Variants in GBF1 observed in about 807,000 individuals in gnomAD.
GBF1 encodes the protein Golgi-specific brefeldin A-resistance guanine nucleotide exchange factor 1.
GBF1 carries 114 observed loss-of-function variants against 210.5 expected under a neutral mutation model. The ratio of observed to expected loss-of-function variants is 0.54; its 90% confidence interval spans 0.47 to 0.63. The LOEUF (loss-of-function observed/expected upper bound fraction) is 0.63. GBF1 is among the 30% of genes least tolerant of loss of function. The pLI, the probability that GBF1 is intolerant of heterozygous loss-of-function variation, is 0.00. For synonymous variants in GBF1, 850 were observed against 889.2 expected (o/e 0.96, Z 0.78); for missense variants, 1,851 against 2,357.7 (o/e 0.79, Z 4.45).
chr10:102,235,372 C>T, the GBF1 span, among the ~76,000 whole-genome samples: 3 of 152,144 alleles, frequency 2.0e-5, 1 homozygote, highest in South Asian at 6.2e-4. Context: ...TGCCCAGGCC[C>T]CTCTCAGGAA....
At chr10:102,256,467 A>G (rs1292598761) in intron 1 of GBF1, among the ~76,000 whole-genome samples, 1 of 151,890 alleles carries the variant, frequency 6.6e-6, no homozygotes, top group Non-Finnish European at 1.5e-5. Flanking sequence ...ATCATTATTA[A>G]TGTTTAATTA....
At chr10:102,274,702 T>TTTA in intron 3 of GBF1, among the ~76,000 whole-genome samples, 1 of 45,424 alleles carries the variant, frequency 2.2e-5, no homozygotes, top group South Asian at 8.5e-4. Flanking sequence ...AACAAAGATT[T>TTTA]TTTTTTTTTT....
intron 3 of GBF1, among the ~76,000 whole-genome samples, chr10:102,305,802 A>G (rs1384388714): frequency 1.3e-5 from 2 of 152,208 alleles, no homozygotes; most frequent in African/African-American, 2.4e-5. Context: ...ATAAATTTGT[A>G]TTGAATATCT....
intron 3 of GBF1, among the ~76,000 whole-genome samples, chr10:102,333,407 T>C (rs916218017): frequency 1.3e-5 from 2 of 152,116 alleles, no homozygotes; most frequent in Admixed American, 6.6e-5. Context: ...TTGGCAGTTA[T>C]TCCAGAGGCT....
At chr10:102,312,666 C>T (rs1223918282) in intron 3 of GBF1, among the ~76,000 whole-genome samples, 1 of 152,144 alleles carries the variant, frequency 6.6e-6, no homozygotes, top group Non-Finnish European at 1.5e-5. Flanking sequence ...TTTTGGTGTT[C>T]CCAGACTATG....
chr10:102,367,573 A>G lies in GBF1; in HGVS notation c.2642+13A>G, dbSNP rs939141770. On this transcript the variant is annotated intron_variant, in intron 21 of 39. Transcript: ENST00000369983. ...ACCATGCCATCAAGTGAGTATACAT[A>G]GAGAATAGTGCAGTATCTCTGTTAA... 14 of 1,378,930 alleles carry G rather than the reference A, an allele frequency of 1.0e-5. No individual in the cohort carries two copies. Among genetic ancestry groups the G allele is most frequent in the African/African-American group, 4.3e-5 (3 of 70,526 alleles). 85.4% of individuals were successfully genotyped at this position (1,378,930 alleles called of 1,614,324 possible). A position where few individuals can be genotyped will look rare whatever the true frequency, so the allele number is the denominator to read the frequency against.
intron 4 of GBF1, among the ~76,000 whole-genome samples, chr10:102,345,375 A>G (rs1480120106): frequency 6.6e-6 from 1 of 151,000 alleles, no homozygotes; most frequent in East Asian, 1.9e-4. Flanking sequence ...TAACTTGACC[A>G]GGCACAGTGG....
chr10:102,345,899 A>G (rs947410320), intron 4 of GBF1, among the ~76,000 whole-genome samples: 8 of 151,866 alleles, frequency 5.3e-5, no homozygotes, highest in East Asian at 1.9e-4. Flanking sequence ...ACATTAACCA[A>G]TAACTCCCCA....
chr10:102,305,616 A>G (rs1485704134), intron 3 of GBF1, among the ~76,000 whole-genome samples: 1 of 151,936 alleles, frequency 6.6e-6, no homozygotes, highest in Admixed American at 6.5e-5. Flanking sequence ...TCTCCAAAAA[A>G]AAAAGAAAAA....
At chr10:102,273,930 TATC>T (rs1317487372) in intron 3 of GBF1, among the ~76,000 whole-genome samples, 1 of 152,234 alleles carries the variant, frequency 6.6e-6, no homozygotes, top group Non-Finnish European at 1.5e-5. Flanking sequence ...TGTTTAGACA[TATC>T]ATGTTAGACA....
chr10:102,284,667 T>C (rs994938244), intron 3 of GBF1, among the ~76,000 whole-genome samples: 1 of 152,242 alleles, frequency 6.6e-6, no homozygotes, highest in Non-Finnish European at 1.5e-5. Context: ...ATTCATTCGT[T>C]GATGGACATT....
At chr10:102,301,789 C>T (rs1190561319) in intron 3 of GBF1, among the ~76,000 whole-genome samples, 1 of 151,662 alleles carries the variant, frequency 6.6e-6, no homozygotes, top group African/African-American at 2.4e-5. Context: ...GACTGGGCAG[C>T]TGGGCAGAGG....
Position 102,254,134 on chromosome 10 carries a change from A to G in GBF1, c.-10-4795A>G, listed in dbSNP as rs562673847. 2.1e-3 allele frequency among the ~76,000 whole-genome samples: 323 copies of G among 152,256 alleles called. 4 individuals are homozygous for G. The Middle Eastern group carries it at 0.048, about 22-fold the overall frequency. ...TCCCTCTTTTTTATGTTGTCTTTTG[A>G]ACAGGCATTTTTAATTTTAACATGG... On this transcript the variant is annotated intron_variant, in intron 1 of 39. Coordinates refer to ENST00000369983, the MANE Select transcript of GBF1 (RefSeq NM_001377137.1).
At chr10:102,239,431 A>G in the GBF1 span, among the ~76,000 whole-genome samples, 1 of 152,152 alleles carries the variant, frequency 6.6e-6, no homozygotes, top group Non-Finnish European at 1.5e-5. Flanking sequence ...CAGTGATTTT[A>G]TGGGAGCACA....
At chr10:102,315,692 G>A (rs1766952064) in intron 3 of GBF1, among the ~76,000 whole-genome samples, 1 of 152,178 alleles carries the variant, frequency 6.6e-6, no homozygotes, top group Admixed American at 6.5e-5. Flanking sequence ...AGGAGGCAGA[G>A]TTTAGGTGGT....
At position 102,375,460 on chromosome 10, in the gene GBF1, T is replaced by G. The variant is rs766483465; in HGVS notation, c.3762T>G (p.Asn1254Lys). ...AYGLHELLKT[N>K]AANIHSGDDW... ...GGCTCCATGAACTCCTGAAGACCAATGCAGCCAACATCCACTCAGGTGATG... is the reference window on the plus strand; with the variant it reads ...GGCTCCATGAACTCCTGAAGACCAAGGCAGCCAACATCCACTCAGGTGATG... Residue 1254 changes from asparagine (N) to lysine (K), a missense_variant, in exon 30 of 40, where the codon AAT (asparagine) becomes AAG (lysine). Around this residue, in one of 3 missense-constraint regions of GBF1, gnomAD observed 967 missense variants for 1,247.7 expected, o/e 0.78. Coordinates refer to ENST00000369983, the MANE Select transcript of GBF1 (RefSeq NM_001377137.1). 1 of 1,613,720 alleles carries G rather than the reference T, an allele frequency of 6.2e-7. No homozygotes were observed. Among genetic ancestry groups the G allele is most frequent in the Non-Finnish European group, 8.5e-7 (1 of 1,179,630 alleles).
chr10:102,301,993 G>A (rs1359027899), intron 3 of GBF1, among the ~76,000 whole-genome samples: 1 of 152,248 alleles, frequency 6.6e-6, no homozygotes, highest in Non-Finnish European at 1.5e-5. Context: ...TTGAGTGAAC[G>A]AGACTCCCTC....
At position 102,370,813 on chromosome 10, in the gene GBF1, C is replaced by T. The variant is rs2060166191; in HGVS notation, c.3613C>T (p.Leu1205=). 1 of 1,614,142 alleles carries T rather than the reference C, an allele frequency of 6.2e-7. No homozygotes were observed. Among genetic ancestry groups the T allele is most frequent in the Non-Finnish European group, 8.5e-7 (1 of 1,179,984 alleles). The change falls in exon 29 of 40, where the codon CTA becomes TTA. Residue 1205 remains leucine (L), a synonymous_variant. Transcript: ENST00000369983. ...FLVERAVVGL[L]RLAIRLLRRE... is the part of the protein sequence containing the mutation. ...TGTGGAGCGGGCAGTGGTGGGGTTG[C>T]TACGCCTGGCCATTCGGCTTCTCCG...
chr10:102,363,427 C>G lies in GBF1; in HGVS notation c.2017+31C>G. 6.3e-7 allele frequency: 1 copy of G among 1,595,182 alleles called. No homozygotes were observed. The highest frequency in any genetic ancestry group is 8.6e-7 in the Non-Finnish European group (1 of 1,167,538). ...TACTGGGTGTCCATGACCCTAAGCT[C>G]CTCACCTGGAGGGCCTGGTGAAGAG... On this transcript the variant is annotated intron_variant, in intron 16 of 39. Coordinates refer to ENST00000369983, the MANE Select transcript of GBF1 (RefSeq NM_001377137.1). This position sits in a 1 kb window ranked among gnomAD's most constrained non-coding sequence, Gnocchi z 4.2.
Sources: allele counts gnomAD v4.1 joint callset (sites outside exome capture counted in the v4.1 genomes callset), GRCh38; gene constraint gnomAD v4.1.1; regional missense constraint gnomAD v4.1.1; non-coding constraint Gnocchi (gnomAD v3.1); transcripts MANE v1.5; gene names NCBI Gene and HGNC (gene_info 2026-07-23, HGNC 2026-07-21).